THSD4: variants seen among roughly 807,000 people sequenced by gnomAD.
THSD4 encodes thrombospondin type 1 domain containing 4.
Under a neutral mutation model 119.0 loss-of-function variants are expected in THSD4, and 69 were observed. The observed-to-expected ratio is 0.58, with a 90% CI of 0.48 to 0.71. The LOEUF (loss-of-function observed/expected upper bound fraction) is 0.71. Ranked by LOEUF, THSD4 falls within the 30% of genes least tolerant of loss-of-function variation. The pLI, the probability that THSD4 is intolerant of heterozygous loss-of-function variation, is 0.00. For missense variants in THSD4, 1,393 were observed against 1,391.1 expected (o/e 1.00, Z -0.02); for synonymous variants, 524 against 540.4 (o/e 0.97, Z 0.42).
chr15:71,725,732 G>T (rs1173657592), intron 8 of THSD4, among the ~76,000 whole-genome samples: 1 of 152,156 alleles, frequency 6.6e-6, no homozygotes, highest in Non-Finnish European at 1.5e-5. Flanking sequence ...AATGATGGAG[G>T]CAGAAGCCAG....
At chr15:71,273,621 C>T (rs965013070) in intron 6 of THSD4, among the ~76,000 whole-genome samples, 10 of 152,102 alleles carry the variant, frequency 6.6e-5, no homozygotes, top group East Asian at 3.9e-4. Context: ...AATGTATACA[C>T]GTATTGAAAC....
At chr15:71,184,812 G>T (rs1351437353) in intron 3 of THSD4, among the ~76,000 whole-genome samples, 1 of 151,688 alleles carries the variant, frequency 6.6e-6, no homozygotes, top group East Asian at 1.9e-4. Context: ...CTATCATTAG[G>T]TTACCCTCAC....
chr15:71,263,873 G>A (rs2044432833), intron 6 of THSD4, among the ~76,000 whole-genome samples: 1 of 152,228 alleles, frequency 6.6e-6, no homozygotes, highest in South Asian at 2.1e-4. Flanking sequence ...CAGGCAGGAA[G>A]CTCCAGTGAA....
intron 7 of THSD4, among the ~76,000 whole-genome samples, chr15:71,479,843 T>C (rs2047704018): frequency 1.3e-5 from 2 of 152,342 alleles, no homozygotes; most frequent in South Asian, 2.1e-4. Context: ...AGTTTTTTAA[T>C]GCAAAAAATA....
chr15:71,591,841 A>T (rs753367541), intron 7 of THSD4, among the ~76,000 whole-genome samples: 8 of 152,166 alleles, frequency 5.3e-5, no homozygotes, highest in Non-Finnish European at 1.2e-4. Context: ...AAATAGGTAA[A>T]TGGGAATGGT....
chr15:71,759,318 A>G (rs988350480), intron 15 of THSD4, among the ~76,000 whole-genome samples: 1 of 152,206 alleles, frequency 6.6e-6, no homozygotes, highest in Non-Finnish European at 1.5e-5. Flanking sequence ...AGTTAGACAC[A>G]TTTGCTAACT....
rs542158184 is a variant in THSD4 at position 71,213,555 on chromosome 15, GTGA to G, written c.100-1477_100-1475del. ...TGGGTCTAAGCACTTGTGTGGACCT[GTGA>G]TGTGTTTTCCCTTGTCTTCTGGGCC... On this transcript the variant is annotated intron_variant, in intron 3 of 17. Transcript: ENST00000261862. Among the ~76,000 whole-genome samples the G allele has an allele frequency of 8.0e-4, 122 of 152,296 alleles. 3 individuals carry two copies. In the South Asian group the frequency reaches 0.024, roughly 31 times the overall value.
intron 7 of THSD4, among the ~76,000 whole-genome samples, chr15:71,656,659 C>T (rs2051198675): frequency 6.6e-6 from 1 of 152,204 alleles, no homozygotes; most frequent in South Asian, 2.1e-4. Flanking sequence ...GACCTCCGAT[C>T]CTTTGACCTC....
chr15:71,648,056 G>A (rs1047622869), intron 7 of THSD4, among the ~76,000 whole-genome samples: 1 of 152,136 alleles, frequency 6.6e-6, no homozygotes, highest in Middle Eastern at 3.2e-3. Flanking sequence ...AATACAACTA[G>A]CAGAGGAAAA....
At chr15:71,397,916 CATT>C (rs1242813345) in intron 6 of THSD4, among the ~76,000 whole-genome samples, 1 of 152,160 alleles carries the variant, frequency 6.6e-6, no homozygotes, top group African/African-American at 2.4e-5. Flanking sequence ...GGTTGGGTGT[CATT>C]ATAATCAATT....
intron 10 of THSD4, among the ~76,000 whole-genome samples, chr15:71,736,602 T>C (rs533632006): frequency 6.6e-6 from 1 of 151,854 alleles, no homozygotes; most frequent in African/African-American, 2.4e-5. Context: ...GCTCTCTTGG[T>C]CTCTGTCTCT....
At chr15:71,409,154 T>TCCC (rs758192926) in intron 6 of THSD4, among the ~76,000 whole-genome samples, 92 of 83,842 alleles carry the variant, frequency 1.1e-3, no homozygotes, top group South Asian at 3.4e-3. Context: ...GCTTTTTTTT[T>TCCC]TCCCCCCCCC....
chr15:71,681,541 G>A (rs2051776853), intron 8 of THSD4, among the ~76,000 whole-genome samples: 1 of 151,878 alleles, frequency 6.6e-6, no homozygotes, highest in South Asian at 2.1e-4. Context: ...TCAGAGTGTG[G>A]TGGCGAGCCT....
chr15:71,563,933 G>A (rs1003040580), intron 7 of THSD4, among the ~76,000 whole-genome samples: 1 of 152,134 alleles, frequency 6.6e-6, no homozygotes, highest in East Asian at 1.9e-4. Flanking sequence ...TTTTGGGGGT[G>A]TGGGGGTGGG....
chr15:71,748,965 C>T (rs1426684511), intron 14 of THSD4, among the ~76,000 whole-genome samples: 4 of 152,238 alleles, frequency 2.6e-5, no homozygotes, highest in Non-Finnish European at 5.9e-5. Context: ...ACATCCCACA[C>T]CCCGTTCCCT....
At chr15:71,498,874 T>G (rs986802356) in intron 7 of THSD4, among the ~76,000 whole-genome samples, 1 of 150,882 alleles carries the variant, frequency 6.6e-6, no homozygotes, top group African/African-American at 2.4e-5. Flanking sequence ...TTTTTTTTTT[T>G]TTGTATTTTT....
chr15:71,291,568 T>C (rs537508054), intron 6 of THSD4, among the ~76,000 whole-genome samples: 1 of 152,302 alleles, frequency 6.6e-6, no homozygotes, highest in East Asian at 1.9e-4. Context: ...TTTGTTCTAT[T>C]CTGGCCTTAA....
chr15:71,200,242 C>T (rs1008381743), intron 3 of THSD4, among the ~76,000 whole-genome samples: 1 of 152,122 alleles, frequency 6.6e-6, no homozygotes, highest in Non-Finnish European at 1.5e-5. Flanking sequence ...TCCAGACAGG[C>T]TGGTCTGCAG....
At chr15:71,313,326 A>C (rs1462609135) in intron 6 of THSD4, among the ~76,000 whole-genome samples, 1 of 152,194 alleles carries the variant, frequency 6.6e-6, no homozygotes, top group African/African-American at 2.4e-5. Context: ...GCATGTGTTC[A>C]GTATTTCCTT....
Sources: gnomAD v4.1 joint callset for allele counts (sites outside exome capture counted in the v4.1 genomes callset) on GRCh38, gnomAD v4.1.1 for gene constraint, MANE v1.5 for transcripts, NCBI Gene and HGNC (gene_info 2026-07-23, HGNC 2026-07-21) for gene names.